DIP2C: variants seen among roughly 807,000 people sequenced by gnomAD.
DIP2C encodes DIP2 acetate--CoA ligase C (putative).
A neutral mutation model predicts 192.4 loss-of-function variants in DIP2C; 33 were observed. The ratio of observed to expected loss-of-function variants is 0.17; its 90% CI spans 0.13 to 0.23. The LOEUF (loss-of-function observed/expected upper bound fraction) is 0.23. DIP2C is among the 10% of genes least tolerant of loss of function. The probability of loss-of-function intolerance (pLI) is 1.00; values close to 1 mark genes in which losing one functional copy is unlikely to be tolerated. For synonymous variants in DIP2C, 979 were observed against 864.1 expected (o/e 1.13, Z -2.33); for missense variants, 1,537 against 2,110.1 (o/e 0.73, Z 5.32).
intron 1 of DIP2C, among the ~76,000 whole-genome samples, chr10:604,301 A>ATGG (rs1852315671): frequency 6.6e-6 from 1 of 152,212 alleles, no homozygotes; most frequent in African/African-American, 2.4e-5. Flanking sequence ...TGAACACATC[A>ATGG]GTCACCCATG....
At chr10:356,159 C>T (rs769462910) in intron 24 of DIP2C, 20 of 574,208 alleles carry the variant, frequency 3.5e-5, no homozygotes, top group Non-Finnish European at 6.2e-5. Flanking sequence ...TTCTCTCTTG[C>T]AGATATCATT....
intron 17 of DIP2C, among the ~76,000 whole-genome samples, chr10:371,091 CA>C (rs1292216506): frequency 2.0e-5 from 3 of 152,110 alleles, no homozygotes; most frequent in African/African-American, 7.2e-5. Flanking sequence ...CTAGAGACCC[CA>C]AACAAATCAA....
intron 17 of DIP2C, among the ~76,000 whole-genome samples, chr10:374,004 T>C (rs1183211555): frequency 6.6e-6 from 1 of 152,184 alleles, no homozygotes; most frequent in African/African-American, 2.4e-5. Flanking sequence ...GACTCCACCA[T>C]ACTTTGTCAC....
intron 17 of DIP2C, 168 bp downstream of exon 17, chr10:382,479 A>G: frequency 1.7e-6 from 1 of 588,544 alleles, no homozygotes. Flanking sequence ...TAGGCTGTTC[A>G]AAAGAATCTG....
intron 1 of DIP2C, among the ~76,000 whole-genome samples, chr10:564,454 T>TA (rs1849362294): frequency 1.3e-5 from 2 of 152,204 alleles, no homozygotes; most frequent in African/African-American, 4.8e-5. Context: ...GTTCCACATA[T>TA]TTTCTCCAGG....
chr10:612,641 T>C (rs945434662), intron 1 of DIP2C, among the ~76,000 whole-genome samples: 1 of 152,084 alleles, frequency 6.6e-6, no homozygotes, highest in Non-Finnish European at 1.5e-5. Context: ...GGATCCCAGG[T>C]TCCAAAGGGC....
chr10:618,800 G>A (rs774995973), intron 1 of DIP2C, among the ~76,000 whole-genome samples: 5 of 152,284 alleles, frequency 3.3e-5, no homozygotes, highest in South Asian at 2.1e-4. Context: ...GAGCCCTCCC[G>A]CACTGCTCAG....
chr10:685,145 A>C (rs1263254663), intron 1 of DIP2C, among the ~76,000 whole-genome samples: 5 of 59,932 alleles, frequency 8.3e-5, no homozygotes, highest in African/African-American at 4.2e-4. Context: ...CAAAAAAAAA[A>C]AAAAAAAAAA....
intron 1 of DIP2C, among the ~76,000 whole-genome samples, chr10:573,084 A>G (rs955126018): frequency 6.6e-6 from 1 of 152,198 alleles, no homozygotes; most frequent in Non-Finnish European, 1.5e-5. Context: ...GAAATGCTAC[A>G]AAGCACGTAC....
chr10:558,487 G>C (rs140233407), intron 1 of DIP2C, among the ~76,000 whole-genome samples: 1 of 152,214 alleles, frequency 6.6e-6, no homozygotes, highest in Non-Finnish European at 1.5e-5. Flanking sequence ...AGGCACCCTC[G>C]ATGTAGATAC....
rs572934451 is a variant in DIP2C, at chr10:348,065, G to A, written c.3231+576C>T. Among the ~76,000 whole-genome samples, 15 of 152,046 alleles carry A rather than the reference G, an allele frequency of 9.9e-5. 1 individual carries two copies. The South Asian group carries it at 2.7e-3, about 27-fold the overall frequency. ...GGAAACCCCACACGCACCCAGACGC[G>A]TCGCCACACTTTCTAGGAGTGGCCA... On this transcript the variant is annotated intron_variant, in intron 26 of 36. Coordinates refer to ENST00000280886, the MANE Select transcript of DIP2C (RefSeq NM_014974.3).
chr10:349,510 A>G (rs1002142122), intron 24 of DIP2C, 56 bp from the exon 25 acceptor site: 13 of 1,572,486 alleles, frequency 8.3e-6, no homozygotes, highest in Non-Finnish European at 9.5e-6. Context: ...AGCAGCTTGC[A>G]GAGAGCGCGC....
chr10:328,897 A>C (rs1171935288), intron 30 of DIP2C, among the ~76,000 whole-genome samples: 2 of 152,230 alleles, frequency 1.3e-5, no homozygotes, highest in Non-Finnish European at 2.9e-5. Context: ...TACGTATCAA[A>C]ATGTCCTTGG....
At chr10:327,397 G>T (rs186751695) in intron 30 of DIP2C, among the ~76,000 whole-genome samples, 1 of 152,168 alleles carries the variant, frequency 6.6e-6, no homozygotes, top group African/African-American at 2.4e-5. Flanking sequence ...TTACAAACAC[G>T]TCTCAAACAA....
At chr10:422,720 C>T in intron 5 of DIP2C, 104 bp downstream of exon 5, 1 of 1,383,262 alleles carries the variant, frequency 7.2e-7, no homozygotes. Flanking sequence ...GAGCTCTGTG[C>T]TCTTTCCACC....
At chr10:301,443 G>A (rs1026247588) in intron 32 of DIP2C, among the ~76,000 whole-genome samples, 1 of 152,126 alleles carries the variant, frequency 6.6e-6, no homozygotes, top group Non-Finnish European at 1.5e-5. Context: ...CAGCTGCAGC[G>A]GGTCACAGTG....
chr10:514,966 A>C (rs1254494011), intron 1 of DIP2C, among the ~76,000 whole-genome samples: 1 of 152,204 alleles, frequency 6.6e-6, no homozygotes, highest in South Asian at 2.1e-4. Flanking sequence ...AACTTCTTTT[A>C]TACAAGCTAA....
rs533826364 is a variant in DIP2C at position 323,621 on chromosome 10, G to C, written c.3924+3385C>G. Among the ~76,000 whole-genome samples the C allele has an allele frequency of 8.5e-5, 13 of 152,294 alleles. No homozygotes were observed. The East Asian group carries it at 2.3e-3, about 27-fold the overall frequency. On this transcript the variant is annotated intron_variant, in intron 31 of 36. Coordinates refer to ENST00000280886, the MANE Select transcript of DIP2C (RefSeq NM_014974.3). ...CAGTGTCTTAATTTTTTGTGTTTTT[G>C]ATTTTTTACATCAAATGATTAATTG...
At chr10:556,176 CGG>C (rs1848856252) in intron 1 of DIP2C, among the ~76,000 whole-genome samples, 2 of 129,112 alleles carry the variant, frequency 1.5e-5, no homozygotes, top group Non-Finnish European at 3.2e-5. Context: ...CTCCCACAGC[CGG>C]ATCCCAGGAC....
Sources: gnomAD v4.1 joint callset for allele counts (sites outside exome capture counted in the v4.1 genomes callset) on GRCh38, gnomAD v4.1.1 for gene constraint, MANE v1.5 for transcripts, NCBI Gene and HGNC (gene_info 2026-07-23, HGNC 2026-07-21) for gene names.